The following ORC4 variants were observed in gnomAD, a reference collection of about 807,000 sequenced individuals.
The protein encoded by ORC4 is origin recognition complex, subunit 4 homolog.
ORC4 carries 55 observed loss-of-function variants against 63.9 expected under a neutral mutation model. That is an observed-to-expected ratio of 0.86 (90% confidence interval 0.69 to 1.08). The LOEUF (loss-of-function observed/expected upper bound fraction) is 1.08. ORC4 is among the 50% of genes least tolerant of loss of function. The pLI, the probability that ORC4 is intolerant of heterozygous loss-of-function variation, is 0.00. For missense variants in ORC4, 511 were observed against 504.4 expected, an observed-to-expected ratio of 1.01 and a Z score of -0.13; for synonymous variants, 150 against 168.5, an observed-to-expected ratio of 0.89 and a Z score of 0.85.
chr2:147,955,249 G>A, intron 7 of ORC4, 98 bp downstream of exon 7: 1 of 759,878 alleles, frequency 1.3e-6, no homozygotes, highest in South Asian at 1.6e-5. Context: ...TTTTATGAGA[G>A]CTTTTTTTTT....
intron 1 of ORC4, among the ~76,000 whole-genome samples, chr2:148,015,087 A>G (rs1057005204): frequency 1.3e-5 from 2 of 149,430 alleles, no homozygotes; most frequent in African/African-American, 2.5e-5. Context: ...CATTTCCTCT[A>G]CCCCCACAAC....
chr2:147,965,528 A>C (rs1689848476), intron 4 of ORC4, among the ~76,000 whole-genome samples: 1 of 152,216 alleles, frequency 6.6e-6, no homozygotes, highest in South Asian at 2.1e-4. Flanking sequence ...AGAATATAAC[A>C]GTTGTACATA....
chr2:147,974,466 C>A (rs17218987), intron 2 of ORC4, among the ~76,000 whole-genome samples: 4,984 of 151,812 alleles, frequency 0.033, 212 homozygotes, highest in African/African-American at 0.097. Context: ...GAAATCCCTT[C>A]TCTAATAAAA....
At chr2:147,979,427 G>C (rs1281835494) in intron 1 of ORC4, among the ~76,000 whole-genome samples, 1 of 152,114 alleles carries the variant, frequency 6.6e-6, no homozygotes, top group African/African-American at 2.4e-5. Flanking sequence ...CAATATTGAT[G>C]AAAGAAAGTG....
intron 6 of ORC4, among the ~76,000 whole-genome samples, chr2:147,956,297 G>A (rs563704841): frequency 6.6e-6 from 1 of 152,182 alleles, no homozygotes; most frequent in East Asian, 1.9e-4. Context: ...AGACCAAGAG[G>A]TGTTATCCAT....
At chr2:147,967,348 A>T (rs566495380) in intron 4 of ORC4, among the ~76,000 whole-genome samples, 1 of 152,218 alleles carries the variant, frequency 6.6e-6, no homozygotes, top group East Asian at 1.9e-4. Context: ...ATGGGAAAGG[A>T]AGAAGTCAAT....
At chr2:147,941,807 C>T (rs1180880738) in intron 10 of ORC4, among the ~76,000 whole-genome samples, 4 of 151,940 alleles carry the variant, frequency 2.6e-5, no homozygotes, top group Non-Finnish European at 4.4e-5. Context: ...CACACACACA[C>T]CCCTCCTCTA....
At position 148,006,892 on chromosome 2, in the gene ORC4, C is replaced by G. The variant is rs186241488; in HGVS notation, c.-18+13741G>C. On this transcript the variant is annotated intron_variant, in intron 1 of 13. Transcript: ENST00000392857. The stretch of plus-strand genomic sequence containing the variant: ...CTACAGGAATGCCTGTATCACCCCC[C>G]ACCAACACTGGGCAGGCCAGTACAG... Among the ~76,000 whole-genome samples, 698 of 152,300 alleles carry G rather than the reference C, an allele frequency of 4.6e-3. 1 individual carries two copies. The highest frequency in any genetic ancestry group is 8.1e-3 in the East Asian group (42 of 5,164).
chr2:147,949,749 A>C (rs1382158880), intron 8 of ORC4, among the ~76,000 whole-genome samples: 1 of 152,186 alleles, frequency 6.6e-6, no homozygotes, highest in Non-Finnish European at 1.5e-5. Flanking sequence ...TAATACAGGA[A>C]TGAAAGGAGA....
intron 8 of ORC4, among the ~76,000 whole-genome samples, chr2:147,948,443 A>G (rs150812147): frequency 2.6e-4 from 40 of 152,168 alleles, no homozygotes; most frequent in African/African-American, 9.6e-4. Flanking sequence ...CCACCATGTT[A>G]CTCTCAGCTA....
At chr2:147,961,454 A>G (rs1235673997) in intron 4 of ORC4, among the ~76,000 whole-genome samples, 1 of 151,882 alleles carries the variant, frequency 6.6e-6, no homozygotes, top group African/African-American at 2.4e-5. Context: ...AAAAAAAAGA[A>G]AAGAAAAAGA....
chr2:148,009,704 T>C (rs181520014), intron 1 of ORC4, among the ~76,000 whole-genome samples: 132 of 152,304 alleles, frequency 8.7e-4, no homozygotes, highest in Non-Finnish European at 1.5e-3. Flanking sequence ...ATCTGCACTA[T>C]AGATTAAATG....
chr2:147,983,598 T>C (rs1213864323), intron 1 of ORC4, among the ~76,000 whole-genome samples: 2 of 152,162 alleles, frequency 1.3e-5, no homozygotes, highest in East Asian at 1.9e-4. Context: ...GTCAACACTA[T>C]GGAAAAACCT....
At chr2:148,017,657 G>A (rs1693392429) in intron 1 of ORC4, among the ~76,000 whole-genome samples, 1 of 152,158 alleles carries the variant, frequency 6.6e-6, no homozygotes, top group African/African-American at 2.4e-5. Context: ...GGGCAACAGA[G>A]CGAGACTCCA....
At chr2:147,940,972 A>G (rs1688334302) in intron 10 of ORC4, among the ~76,000 whole-genome samples, 1 of 152,156 alleles carries the variant, frequency 6.6e-6, no homozygotes, top group Non-Finnish European at 1.5e-5. Flanking sequence ...ACAACCAAGT[A>G]TGTCTATACT....
chr2:147,960,147 G>T, intron 4 of ORC4: 2 of 499,962 alleles, frequency 4.0e-6, no homozygotes, highest in Non-Finnish European at 5.2e-6. Flanking sequence ...CAAATCCTTT[G>T]CTAAAAGGAA....
intron 4 of ORC4, among the ~76,000 whole-genome samples, chr2:147,967,403 TAG>T (rs1317916177): frequency 1.3e-5 from 2 of 151,900 alleles, no homozygotes; most frequent in Non-Finnish European, 2.9e-5. Context: ...TAGAAAAACC[TAG>T]AGACTCTACC....
chr2:147,936,740 G>A (rs1688069617), intron 13 of ORC4: 1 of 152,182 alleles, frequency 6.6e-6, no homozygotes, highest in African/African-American at 2.4e-5. Context: ...TTAAATGCAG[G>A]CTGGGCGCAG....
intron 4 of ORC4, among the ~76,000 whole-genome samples, chr2:147,967,651 G>A (rs765121273): frequency 6.6e-6 from 1 of 151,776 alleles, no homozygotes; most frequent in Non-Finnish European, 1.5e-5. Flanking sequence ...AATTGAGGAG[G>A]ATACACACAA....
Sources: gnomAD v4.1 joint callset for allele counts (sites outside exome capture counted in the v4.1 genomes callset) on GRCh38, gnomAD v4.1.1 for gene constraint, MANE v1.5 for transcripts, NCBI Gene and HGNC (gene_info 2026-07-23, HGNC 2026-07-21) for gene names.